CDH12: variants seen among roughly 807,000 people sequenced by gnomAD.
CDH12 encodes cadherin 12, also known as cadherin-12.
CDH12 carries 41 observed loss-of-function variants against 74.1 expected under a neutral mutation model. The observed-to-expected ratio is 0.55, with a 90% confidence interval of 0.43 to 0.72. The LOEUF (loss-of-function observed/expected upper bound fraction) is 0.72, where lower values mean the gene tolerates loss of function less well. Among genes scored for constraint, CDH12 ranks in the 30% least tolerant of loss-of-function variants. The pLI is 0.00. For synonymous variants in CDH12, 399 were observed against 355.0 expected, an observed-to-expected ratio of 1.12 and a Z score of -1.39; for missense variants, 945 against 977.2, an observed-to-expected ratio of 0.97 and a Z score of 0.44.
At chr5:22,535,446 G>A (rs998415544) in intron 1 of CDH12, among the ~76,000 whole-genome samples, 1 of 152,058 alleles carries the variant, frequency 6.6e-6, no homozygotes, top group Admixed American at 6.5e-5. Flanking sequence ...GTGAGCCAAC[G>A]CACCCGGCCT....
chr5:22,294,384 C>G (rs1737533629), intron 3 of CDH12, among the ~76,000 whole-genome samples: 1 of 152,276 alleles, frequency 6.6e-6, no homozygotes, highest in Non-Finnish European at 1.5e-5. Context: ...TTGGGGGCCA[C>G]TATTCCCAAA....
chr5:22,094,755 A>G (rs974401183), intron 4 of CDH12, among the ~76,000 whole-genome samples: 1 of 152,144 alleles, frequency 6.6e-6, no homozygotes, highest in Non-Finnish European at 1.5e-5. Context: ...ACCTGCACAT[A>G]CACATCCAGA....
chr5:22,568,175 A>C (rs918247205), intron 1 of CDH12, among the ~76,000 whole-genome samples: 4 of 152,200 alleles, frequency 2.6e-5, no homozygotes, highest in African/African-American at 9.7e-5. Context: ...AGGCCTTAGA[A>C]TGCCTGAAAT....
At chr5:21,997,897 T>G (rs1467181022) in intron 5 of CDH12, among the ~76,000 whole-genome samples, 1 of 152,126 alleles carries the variant, frequency 6.6e-6, no homozygotes, top group Non-Finnish European at 1.5e-5. Context: ...CACAATATTG[T>G]TTTCCAATTT....
chr5:22,742,558 TAC>T (rs1745081607), intron 1 of CDH12, among the ~76,000 whole-genome samples: 1 of 152,138 alleles, frequency 6.6e-6, no homozygotes, highest in Non-Finnish European at 1.5e-5. Flanking sequence ...TCAGACAATC[TAC>T]AAAACTTTCT....
At chr5:21,766,303 A>T (rs1448252794) in intron 11 of CDH12, among the ~76,000 whole-genome samples, 2 of 152,050 alleles carry the variant, frequency 1.3e-5, no homozygotes, top group East Asian at 1.9e-4. Context: ...ACCTACACAG[A>T]TAACATAAAT....
intron 1 of CDH12, among the ~76,000 whole-genome samples, chr5:22,641,391 CT>C (rs973238167): frequency 2.0e-5 from 3 of 152,140 alleles, no homozygotes; most frequent in African/African-American, 7.2e-5. Context: ...ATCACATTTT[CT>C]CTGCCTTTTT....
chr5:21,934,026 TG>T (rs1186836410), intron 6 of CDH12, among the ~76,000 whole-genome samples: 18 of 152,188 alleles, frequency 1.2e-4, no homozygotes, highest in African/African-American at 4.3e-4. Flanking sequence ...ATTGTGTCAT[TG>T]GGTATTTTTC....
rs542455677 is a variant in CDH12, at chr5:22,723,216, G to T, written c.-523+129842C>A. Among the ~76,000 whole-genome samples, 284 of 152,210 alleles carry T rather than the reference G, an allele frequency of 1.9e-3. 1 individual carries two copies. The highest frequency in any genetic ancestry group is 3.4e-3 in the Middle Eastern group (1 of 294). On this transcript the variant is annotated intron_variant, in intron 1 of 14. Transcript: ENST00000382254. The stretch of plus-strand genomic sequence containing the variant: ...TCACAAATTCACAGAGGTACAAAAG[G>T]TAGAAAGGGGTTGGAAGAAAAAATA...
chr5:22,307,873 G>GTTTTTTTTTTTTTTTTTTTTTTTTTT (rs35242143), intron 3 of CDH12, among the ~76,000 whole-genome samples: 1 of 68,658 alleles, frequency 1.5e-5, no homozygotes, highest in Non-Finnish European at 2.4e-5. Flanking sequence ...CTTTCTTTTA[G>GTTTTTTTTTTTTTTTTTTTTTTTTTT]TTTTTTTTTT....
chr5:22,166,589 T>C (rs1748695237), intron 4 of CDH12, among the ~76,000 whole-genome samples: 1 of 152,250 alleles, frequency 6.6e-6, no homozygotes, highest in Non-Finnish European at 1.5e-5. Flanking sequence ...GCATTTTTAC[T>C]ATAATGCACT....
chr5:21,882,569 T>A lies in CDH12; in HGVS notation c.527-27779A>T, dbSNP rs775925080. 3 of 1,487,520 alleles carry A rather than the reference T, an allele frequency of 2.0e-6. No individual in the cohort carries two copies. In the Admixed American group the frequency reaches 5.0e-5, roughly 25 times the overall value. The allele number at this position is 1,487,520 out of a possible 1,614,324, so 92.1% of individuals were successfully genotyped here. On this transcript the variant is annotated intron_variant, in intron 6 of 14. Transcript: ENST00000382254. Reference sequence around the variant, plus strand: ...AACCTGTCTCGCCGCGCGCATGCCCTGCAGCCGCCCCACAGAAATGCTTCG... The same window carrying A: ...AACCTGTCTCGCCGCGCGCATGCCCAGCAGCCGCCCCACAGAAATGCTTCG...
At chr5:21,809,797 T>A (rs960528812) in intron 9 of CDH12, among the ~76,000 whole-genome samples, 4 of 152,038 alleles carry the variant, frequency 2.6e-5, no homozygotes, top group African/African-American at 9.7e-5. Flanking sequence ...GAAAAGTGCC[T>A]CCAGGGGCTT....
intron 4 of CDH12, among the ~76,000 whole-genome samples, chr5:22,114,781 C>CA: frequency 6.6e-6 from 1 of 152,062 alleles, no homozygotes; most frequent in Middle Eastern, 3.2e-3. Flanking sequence ...TTGATGTGCA[C>CA]AAAAGAAAAT....
intron 8 of CDH12, among the ~76,000 whole-genome samples, chr5:21,828,650 A>G (rs1318229392): frequency 1.3e-5 from 2 of 152,320 alleles, no homozygotes; most frequent in East Asian, 3.9e-4. Flanking sequence ...ATATTCGTGT[A>G]TCACATATGG....
At chr5:22,343,968 T>C (rs532589150) in intron 3 of CDH12, among the ~76,000 whole-genome samples, 1 of 152,324 alleles carries the variant, frequency 6.6e-6, no homozygotes, top group African/African-American at 2.4e-5. Flanking sequence ...AGCTGAAACT[T>C]TTCATACTTT....
At chr5:21,777,194 A>G (rs1380203701) in intron 11 of CDH12, among the ~76,000 whole-genome samples, 1 of 152,168 alleles carries the variant, frequency 6.6e-6, no homozygotes, top group Non-Finnish European at 1.5e-5. Flanking sequence ...ATCCTTCACA[A>G]TTAAGTTATT....
At chr5:22,501,321 A>G (rs1747323262) in intron 2 of CDH12, among the ~76,000 whole-genome samples, 1 of 152,168 alleles carries the variant, frequency 6.6e-6, no homozygotes, top group Admixed American at 6.6e-5. Flanking sequence ...CATAAAGGAT[A>G]ATTCATGGAA....
chr5:22,058,639 T>C (rs561063145), intron 5 of CDH12, among the ~76,000 whole-genome samples: 54 of 141,232 alleles, frequency 3.8e-4, no homozygotes, highest in African/African-American at 1.5e-3. Context: ...AGCACCTTTT[T>C]AATGTACAAA....
Sources: gnomAD v4.1 joint callset for allele counts (sites outside exome capture counted in the v4.1 genomes callset) on GRCh38, gnomAD v4.1.1 for gene constraint, MANE v1.5 for transcripts, NCBI Gene and HGNC (gene_info 2026-07-23, HGNC 2026-07-21) for gene names.